CLPTM1: variants seen among roughly 807,000 people sequenced by gnomAD.
CLPTM1 encodes putative lipid scramblase CLPTM1.
CLPTM1 carries 21 observed loss-of-function variants against 77.3 expected under a neutral mutation model. The ratio of observed to expected loss-of-function variants is 0.27; its 90% CI spans 0.19 to 0.39. The LOEUF (loss-of-function observed/expected upper bound fraction) is 0.39. Ranked by LOEUF, CLPTM1 falls within the 10% of genes least tolerant of loss-of-function variation. CLPTM1 has a pLI of 1.00. For missense variants in CLPTM1, 642 were observed against 921.2 expected (o/e 0.70, Z 3.92); for synonymous variants, 373 against 381.0 (o/e 0.98, Z 0.24).
chr19:44,971,467 T>G (rs556868886), intron 2 of CLPTM1, among the ~76,000 whole-genome samples: 2 of 152,280 alleles, frequency 1.3e-5, no homozygotes, highest in South Asian at 4.2e-4. Flanking sequence ...ACTATCTGCT[T>G]CTCCAAAAAT....
At chr19:44,972,926 A>T (rs10408974) in intron 2 of CLPTM1, among the ~76,000 whole-genome samples, 161 bp from the exon 3 acceptor site, 2 of 152,062 alleles carry the variant, frequency 1.3e-5, no homozygotes, top group African/African-American at 4.8e-5. Flanking sequence ...GGGACATCTT[A>T]TCTCCTTGCC....
rs1268160767 is a variant in CLPTM1, at chr19:44,990,037, G to A, written c.1133-358G>A. On this transcript the variant is annotated intron_variant, in intron 9 of 13. Transcript: ENST00000337392. The surrounding 1 kb of genome is among the most constrained non-coding windows in gnomAD (Gnocchi z 4.8). ...CCCGCGTCCCTTCAGATTCTGCCAT[G>A]CCAGGCTGTTTGGCCTCAGGGAAGC... is the stretch of plus-strand genomic sequence containing the variant. 2.0e-5 allele frequency: 5 copies of A among 256,064 alleles called. No individual in the cohort carries two copies. Among genetic ancestry groups the A allele is most frequent in the Non-Finnish European group, 3.0e-5 (4 of 134,514 alleles). 15.9% of individuals were successfully genotyped at this position (256,064 alleles called of 1,614,324 possible).
At chr19:44,981,447 G>A (rs1403198410) in intron 5 of CLPTM1, among the ~76,000 whole-genome samples, 3 of 149,886 alleles carry the variant, frequency 2.0e-5, no homozygotes, top group Admixed American at 2.0e-4. Context: ...TTTTAAATTA[G>A]CCAGATATGG....
chr19:44,954,609 C>A, upstream of CLPTM1: 2 of 1,043,116 alleles, frequency 1.9e-6, no homozygotes, highest in Non-Finnish European at 2.3e-6. Context: ...GGTCTCTCAG[C>A]AGATGGCCGG....
At chr19:44,978,762 C>T (rs1220067717) in intron 5 of CLPTM1, among the ~76,000 whole-genome samples, 4 of 151,998 alleles carry the variant, frequency 2.6e-5, no homozygotes, top group African/African-American at 4.8e-5. Flanking sequence ...GACCCAGTCA[C>T]CTCTTAAAAG....
At chr19:44,955,352 A>G (rs1970442996), upstream of CLPTM1, 1 of 1,105,598 alleles carries the variant, frequency 9.0e-7, no homozygotes, top group East Asian at 3.7e-5. Context: ...GAAGTCGGGG[A>G]CGGGGCGGGG....
In CLPTM1 at chr19:44,991,037, C is replaced by A; in HGVS notation, c.1419+92C>A. On this transcript the variant is annotated intron_variant, in intron 11 of 13. Coordinates refer to ENST00000337392, the MANE Select transcript of CLPTM1 (RefSeq NM_001294.4). The surrounding 1 kb of genome is among the most constrained non-coding windows in gnomAD (Gnocchi z 5.4). ...GGGCCGGCCATCTGTCTGCCGGACC[C>A]ATGCTTTACAGCCTGTGCCACATCC... 1 of 1,321,328 alleles carries A rather than the reference C, an allele frequency of 7.6e-7. No individual in the cohort carries two copies. The highest frequency in any genetic ancestry group is 1.2e-5 in the South Asian group (1 of 81,664). 81.9% of individuals were successfully genotyped at this position (1,321,328 alleles called of 1,614,324 possible). A position where few individuals can be genotyped will look rare whatever the true frequency, so the allele number is the denominator to read the frequency against.
chr19:44,957,282 A>AAAGC (rs1342023887), intron 1 of CLPTM1, among the ~76,000 whole-genome samples: 3 of 150,086 alleles, frequency 2.0e-5, no homozygotes, highest in African/African-American at 7.3e-5. Context: ...CTTCCTGCAG[A>AAAGC]AAGCCCTCTT....
At chr19:44,976,776 T>C (rs902204859) in intron 4 of CLPTM1, among the ~76,000 whole-genome samples, 11 of 152,110 alleles carry the variant, frequency 7.2e-5, no homozygotes, top group Non-Finnish European at 1.3e-4. Flanking sequence ...CAGACTGGGT[T>C]TCCATCTGCG....
chr19:44,990,794 G>A lies in CLPTM1; in HGVS notation c.1324-56G>A. On this transcript the variant is annotated intron_variant, in intron 10 of 13. Coordinates refer to ENST00000337392, the MANE Select transcript of CLPTM1 (RefSeq NM_001294.4). The surrounding 1 kb of genome is among the most constrained non-coding windows in gnomAD (Gnocchi z 4.8). ...TGGGGAAGGGCAGGGGCTGGTTCTG[G>A]CTTGTGGGGTGGGAGCCAGCGTAGC... 4 of 1,482,702 alleles carry A rather than the reference G, an allele frequency of 2.7e-6. No individual in the cohort carries two copies. The highest frequency in any genetic ancestry group is 2.3e-5 in the South Asian group (2 of 87,080). 91.8% of individuals were successfully genotyped at this position (1,482,702 alleles called of 1,614,324 possible).
At chr19:44,971,851 A>G (rs1827642236) in intron 2 of CLPTM1, among the ~76,000 whole-genome samples, 1 of 138,014 alleles carries the variant, frequency 7.2e-6, no homozygotes, top group Non-Finnish European at 1.5e-5. Context: ...GAGCTGCTAC[A>G]CCTGACCCAA....
chr19:44,989,122 C>T (rs563084978), intron 9 of CLPTM1, among the ~76,000 whole-genome samples: 3 of 152,260 alleles, frequency 2.0e-5, no homozygotes, highest in South Asian at 2.1e-4. Flanking sequence ...GCCATGATCA[C>T]ACCACTGAAC....
chr19:44,962,919 G>A (rs567638970), intron 2 of CLPTM1, among the ~76,000 whole-genome samples: 24 of 151,982 alleles, frequency 1.6e-4, no homozygotes, highest in South Asian at 4.2e-4. Flanking sequence ...AAAAAATTCC[G>A]GAGGCTGAGA....
chr19:44,968,829 G>C (rs1438145906), intron 2 of CLPTM1, among the ~76,000 whole-genome samples: 1 of 152,216 alleles, frequency 6.6e-6, no homozygotes, highest in Non-Finnish European at 1.5e-5. Flanking sequence ...CTCTGCTGGA[G>C]GCATCGGTAT....
chr19:44,972,847 G>A (rs1295380174), intron 2 of CLPTM1, among the ~76,000 whole-genome samples: 1 of 151,722 alleles, frequency 6.6e-6, no homozygotes. Flanking sequence ...GCAGACCAGG[G>A]CAGTGCCAGC....
At chr19:44,984,781 A>G (rs747406129) in intron 5 of CLPTM1, among the ~76,000 whole-genome samples, 14 of 152,022 alleles carry the variant, frequency 9.2e-5, no homozygotes, top group Non-Finnish European at 1.9e-4. Context: ...CCACCTCCCT[A>G]GTTCAAGCGA....
chr19:44,985,043 C>T (rs919560483), intron 5 of CLPTM1, among the ~76,000 whole-genome samples, 175 bp from the exon 6 acceptor site: 12 of 152,094 alleles, frequency 7.9e-5, no homozygotes, highest in Admixed American at 6.5e-4. Context: ...AACTGGGATT[C>T]GTTGAGATTT....
Position 44,990,917 on chromosome 19 carries a change from T to C in CLPTM1, c.1391T>C (p.Ile464Thr), listed in dbSNP as rs1305457177. ...RLSFKDKSTY[I>T]ESSTKVYDDM... ...TCCTTCAAGGACAAGTCCACGTATATCGAGTCCTCGACCAAAGTGTATGAT... is the reference window on the plus strand; with the variant it reads ...TCCTTCAAGGACAAGTCCACGTATACCGAGTCCTCGACCAAAGTGTATGAT... Residue 464 changes from isoleucine to threonine, a missense_variant, in exon 11 of 14, where the codon ATC becomes ACC. This residue lies in a region of CLPTM1 where 521 missense variants were observed against 800.4 expected (regional missense o/e 0.65). Coordinates refer to ENST00000337392, the MANE Select transcript of CLPTM1 (RefSeq NM_001294.4). The surrounding 1 kb of genome is among the most constrained non-coding windows in gnomAD (Gnocchi z 4.8). The C allele has an allele frequency of 6.2e-7, 1 of 1,613,692 alleles. No homozygotes were observed. Among genetic ancestry groups the C allele is most frequent in the Non-Finnish European group, 8.5e-7 (1 of 1,179,808 alleles).
intron 7 of CLPTM1, 21 bp from the exon 8 acceptor site, chr19:44,987,158 C>T: frequency 6.3e-7 from 1 of 1,598,372 alleles, no homozygotes; most frequent in Non-Finnish European, 8.5e-7. Context: ...CCAAATGGTG[C>T]CCCTGCCCCA....
Sources: gnomAD v4.1 joint callset for allele counts (sites outside exome capture counted in the v4.1 genomes callset) on GRCh38, gnomAD v4.1.1 for gene constraint, gnomAD v4.1.1 regional missense constraint, Gnocchi (gnomAD v3.1) non-coding constraint, MANE v1.5 for transcripts, NCBI Gene and HGNC (gene_info 2026-07-23, HGNC 2026-07-21) for gene names.